Variants in LEPR observed in about 807,000 individuals in gnomAD.
LEPR encodes leptin receptor, also known as OB receptor.
In LEPR, 56 loss-of-function variants were observed where a neutral mutation model predicts 114.7. That is an observed-to-expected ratio of 0.49 (90% confidence interval 0.39 to 0.61). The LOEUF (loss-of-function observed/expected upper bound fraction) is 0.61, where lower values mean the gene tolerates loss of function less well. LEPR is among the 20% of genes least tolerant of loss of function. The probability of loss-of-function intolerance (pLI) is 0.00; values close to 1 mark genes in which losing one functional copy is unlikely to be tolerated. For synonymous variants in LEPR, 443 were observed against 461.4 expected, an observed-to-expected ratio of 0.96 and a Z score of 0.51; for missense variants, 1,202 against 1,352.9, an observed-to-expected ratio of 0.89 and a Z score of 1.75.
intron 2 of LEPR, among the ~76,000 whole-genome samples, chr1:65,540,828 G>T (rs1163369786): frequency 1.3e-5 from 2 of 151,968 alleles, no homozygotes; most frequent in Non-Finnish European, 2.9e-5. Flanking sequence ...AGATCAGTTT[G>T]TTCAGTTTAC....
intron 2 of LEPR, among the ~76,000 whole-genome samples, chr1:65,503,289 A>G (rs1017656339): frequency 3.9e-5 from 6 of 152,170 alleles, no homozygotes; most frequent in Admixed American, 6.6e-5. Flanking sequence ...ACAGAGTGAA[A>G]CTTAATGTAT....
Position 65,608,442 on chromosome 1 carries a change from A to G in LEPR, c.1604-311A>G, listed in dbSNP as rs550158352. Among the ~76,000 whole-genome samples the G allele has an allele frequency of 2.6e-5, 4 of 152,244 alleles. 1 individual carries two copies. Among genetic ancestry groups the G allele is most frequent in the African/African-American group, 9.6e-5 (4 of 41,552 alleles). On this transcript the variant is annotated intron_variant, in intron 11 of 19. Coordinates refer to ENST00000349533, the MANE Select transcript of LEPR (RefSeq NM_002303.6). Reference sequence around the variant, plus strand: ...GAGACGGGGTTTCACCGTGTTAGCCAGGATCGGCATGTTATCTTTTGCTTG... The same window carrying G: ...GAGACGGGGTTTCACCGTGTTAGCCGGGATCGGCATGTTATCTTTTGCTTG...
At chr1:65,429,285 A>G (rs1361290564) in intron 2 of LEPR, among the ~76,000 whole-genome samples, 3 of 152,190 alleles carry the variant, frequency 2.0e-5, no homozygotes, top group Admixed American at 6.5e-5. Flanking sequence ...AGCTAGCGCA[A>G]AGGCCCCAGG....
Position 65,570,698 on chromosome 1 carries a change from G to T in LEPR, c.266G>T (p.Cys89Phe), listed in dbSNP as rs765458310. 3.7e-6 allele frequency: 6 copies of T among 1,613,602 alleles called. No homozygotes were observed. ...FSNLSKTTFH[C>F]CFRSEQDRNC... Reference sequence around the variant, plus strand: ...AACTTATCCAAAACAACTTTCCACTGTTGCTTTCGGAGTGAGCAAGATAGA... The same window carrying T: ...AACTTATCCAAAACAACTTTCCACTTTTGCTTTCGGAGTGAGCAAGATAGA... Residue 89 changes from cysteine (C) to phenylalanine (F), a missense_variant, in exon 4 of 20, where the codon TGT becomes TTT. Physicochemically the swap from Cys to Phe is radical, Grantham distance 205. Coordinates refer to ENST00000349533, the MANE Select transcript of LEPR (RefSeq NM_002303.6).
In LEPR at chr1:65,633,763, G is replaced by A; in HGVS notation, c.2674-2428G>A. On this transcript the variant is annotated intron_variant, in intron 19 of 19. Transcript: ENST00000349533. This position sits in a 1 kb window ranked among gnomAD's most constrained non-coding sequence, Gnocchi z 4.1. ...TTGTATCTAACTTTGTTCAATCTGG[G>A]AATTTCAGTTTTCAATATCCTTGAA... 4 of 985,324 alleles carry A rather than the reference G, an allele frequency of 4.1e-6. No individual in the cohort carries two copies. Among genetic ancestry groups the A allele is most frequent in the Non-Finnish European group, 3.6e-6 (3 of 829,948 alleles). 61.0% of individuals were successfully genotyped at this position (985,324 alleles called of 1,614,324 possible).
chr1:65,572,752 C>T (rs12033452), intron 5 of LEPR, among the ~76,000 whole-genome samples: 9 of 151,858 alleles, frequency 5.9e-5, no homozygotes, highest in Non-Finnish European at 8.8e-5. Context: ...AATAGCTGAA[C>T]GAACACTCTG....
chr1:65,450,220 G>C (rs958975370), intron 2 of LEPR, among the ~76,000 whole-genome samples: 1 of 151,940 alleles, frequency 6.6e-6, no homozygotes, highest in African/African-American at 2.4e-5. Flanking sequence ...TTCTGCAAAA[G>C]TTGGATGAAG....
At position 65,548,634 on chromosome 1, in the gene LEPR, G is replaced by C. The variant is rs544003601; in HGVS notation, c.-20-16912G>C. On this transcript the variant is annotated intron_variant, in intron 2 of 19. Coordinates refer to ENST00000349533, the MANE Select transcript of LEPR (RefSeq NM_002303.6). Reference sequence around the variant, plus strand: ...TATCAGAGACTAGGATTGCAACCCCGGTCTTTTTTTGTTTTCCATTTGCTT... The same window carrying C: ...TATCAGAGACTAGGATTGCAACCCCCGTCTTTTTTTGTTTTCCATTTGCTT... Among the ~76,000 whole-genome samples, 4 of 151,884 alleles carry C rather than the reference G, an allele frequency of 2.6e-5. No individual in the cohort carries two copies. The South Asian group carries it at 8.3e-4, about 32-fold the overall frequency.
In LEPR at chr1:65,454,403, T is replaced by C. The variant is rs921378547; in HGVS notation, c.-21+29025T>C. Among the ~76,000 whole-genome samples the C allele has an allele frequency of 1.8e-4, 27 of 152,310 alleles. No homozygotes were observed. The East Asian group carries it at 3.7e-3, about 21-fold the overall frequency. On this transcript the variant is annotated intron_variant, in intron 2 of 19. Coordinates refer to ENST00000349533, the MANE Select transcript of LEPR (RefSeq NM_002303.6). The stretch of plus-strand genomic sequence containing the variant: ...CGATGGTCTTTACATTTTGGCATGA[T>C]TTTGCAGCGGCTGGTACCGGTTGTT...
At chr1:65,487,393 T>C (rs1647546650) in intron 2 of LEPR, among the ~76,000 whole-genome samples, 1 of 152,174 alleles carries the variant, frequency 6.6e-6, no homozygotes, top group South Asian at 2.1e-4. Flanking sequence ...TTTTGCCTAC[T>C]GTCTGTTTCC....
chr1:65,459,129 T>A (rs1646913609), intron 2 of LEPR, among the ~76,000 whole-genome samples: 1 of 152,330 alleles, frequency 6.6e-6, no homozygotes, highest in South Asian at 2.1e-4. Context: ...AAAGATTTTT[T>A]TTGTTGTTCA....
intron 14 of LEPR, among the ~76,000 whole-genome samples, chr1:65,613,980 C>G (rs1273262523): frequency 6.6e-6 from 1 of 151,658 alleles, no homozygotes; most frequent in Non-Finnish European, 1.5e-5. Flanking sequence ...GCAGCAAGAA[C>G]TTTTATTCAT....
intron 2 of LEPR, among the ~76,000 whole-genome samples, chr1:65,479,415 A>G (rs1390416893): frequency 6.6e-6 from 1 of 152,160 alleles, no homozygotes; most frequent in Non-Finnish European, 1.5e-5. Flanking sequence ...CCCTTTGTAC[A>G]GGTGAGGAAA....
chr1:65,502,443 T>A (rs1350666110), intron 2 of LEPR, among the ~76,000 whole-genome samples: 2 of 151,934 alleles, frequency 1.3e-5, no homozygotes, highest in Non-Finnish European at 1.5e-5. Flanking sequence ...ATTTTTTTTT[T>A]ATGGCAGCTT....
chr1:65,586,366 G>A (rs183723434), intron 5 of LEPR, among the ~76,000 whole-genome samples: 2 of 152,060 alleles, frequency 1.3e-5, no homozygotes, highest in Admixed American at 6.6e-5. Flanking sequence ...CTATTTTTGT[G>A]TCCTTTGCCC....
Position 65,421,231 on chromosome 1 carries a change from A to T in LEPR, c.-97+491A>T, listed in dbSNP as rs891026229. On this transcript the variant is annotated intron_variant, in intron 1 of 19. Coordinates refer to ENST00000349533, the MANE Select transcript of LEPR (RefSeq NM_002303.6). ...TTGACCGCGGGCGGGTGTCAATGGA[A>T]AGCACCCAGAAAGACGGTGTTTCTC... The T allele has an allele frequency of 4.5e-6, 6 of 1,319,648 alleles. No individual in the cohort carries two copies. The South Asian group carries it at 8.2e-5, about 18-fold the overall frequency. 81.7% of individuals were successfully genotyped at this position (1,319,648 alleles called of 1,614,324 possible).
At chr1:65,451,906 A>G (rs1348995881) in intron 2 of LEPR, among the ~76,000 whole-genome samples, 1 of 151,846 alleles carries the variant, frequency 6.6e-6, no homozygotes, top group Non-Finnish European at 1.5e-5. Flanking sequence ...CTTCCTACCC[A>G]TGAGCATGGA....
chr1:65,626,344 G>C, intron 19 of LEPR: 1 of 1,283,148 alleles, frequency 7.8e-7, no homozygotes. Flanking sequence ...TAATACAGTG[G>C]GTGTGAATGT....
intron 2 of LEPR, among the ~76,000 whole-genome samples, chr1:65,507,904 A>G (rs1648836961): frequency 6.6e-6 from 1 of 152,132 alleles, no homozygotes; most frequent in Non-Finnish European, 1.5e-5. Context: ...GTGATATCCC[A>G]TTGTAGTTTT....
Sources: gnomAD v4.1 joint callset for allele counts (sites outside exome capture counted in the v4.1 genomes callset) on GRCh38, gnomAD v4.1.1 for gene constraint, Gnocchi (gnomAD v3.1) non-coding constraint, MANE v1.5 for transcripts, NCBI Gene and HGNC (gene_info 2026-07-23, HGNC 2026-07-21) for gene names.